The following FCHO2 variants were observed in gnomAD, a reference collection of about 807,000 sequenced individuals.
The protein encoded by FCHO2 is FCH and mu domain containing endocytic adaptor 2.
FCHO2 carries 43 observed loss-of-function variants against 114.1 expected under a neutral mutation model. The ratio of observed to expected loss-of-function variants is 0.38; its 90% CI spans 0.30 to 0.49. FCHO2 has a LOEUF of 0.49. Ranked by LOEUF, FCHO2 falls within the 20% of genes least tolerant of loss-of-function variation. The pLI is 0.97. For missense variants in FCHO2, 807 were observed against 950.4 expected (o/e 0.85, Z 1.98); for synonymous variants, 293 against 315.2 (o/e 0.93, Z 0.75).
intron 1 of FCHO2, among the ~76,000 whole-genome samples, chr5:72,956,997 G>GC (rs1751584136): frequency 6.6e-6 from 1 of 151,892 alleles, no homozygotes; most frequent in Non-Finnish European, 1.5e-5. Flanking sequence ...CCTGACAGTT[G>GC]CAAGTACTGC....
At chr5:73,076,406 C>A (rs555341786) in intron 20 of FCHO2, among the ~76,000 whole-genome samples, 2 of 151,904 alleles carry the variant, frequency 1.3e-5, no homozygotes, top group Non-Finnish European at 2.9e-5. Context: ...GTGGTGGAAT[C>A]AAAGGAGGGT....
At chr5:73,030,597 T>C (rs1367578429) in intron 8 of FCHO2, among the ~76,000 whole-genome samples, 1 of 152,240 alleles carries the variant, frequency 6.6e-6, no homozygotes, top group Non-Finnish European at 1.5e-5. Flanking sequence ...TATCTACCAG[T>C]GGCCACAGAG....
chr5:73,027,628 A>G (rs1175713905), intron 8 of FCHO2, among the ~76,000 whole-genome samples: 2 of 152,170 alleles, frequency 1.3e-5, no homozygotes, highest in African/African-American at 4.8e-5. Context: ...ATAAGTAATG[A>G]ATATATTAGA....
At chr5:72,962,315 C>T (rs1338859655) in intron 1 of FCHO2, among the ~76,000 whole-genome samples, 1 of 152,020 alleles carries the variant, frequency 6.6e-6, no homozygotes, top group Non-Finnish European at 1.5e-5. Flanking sequence ...ACACTAAATC[C>T]TAAATGCTGT....
At chr5:72,968,477 A>G in intron 1 of FCHO2, 21 bp from the exon 2 acceptor site, 1 of 1,469,968 alleles carries the variant, frequency 6.8e-7, no homozygotes, top group African/African-American at 1.5e-5. Flanking sequence ...TTATGAAACT[A>G]AAAATCTTTT....
intron 10 of FCHO2, 150 bp downstream of exon 10, chr5:73,037,365 AATAC>A (rs1019182155): frequency 7.9e-6 from 3 of 380,458 alleles, no homozygotes; most frequent in Middle Eastern, 5.8e-4. Flanking sequence ...AATATTAATA[AATAC>A]ATTTGCCAAT....
intron 2 of FCHO2, among the ~76,000 whole-genome samples, chr5:72,980,357 T>C (rs1306421859): frequency 6.6e-6 from 1 of 152,196 alleles, no homozygotes; most frequent in Non-Finnish European, 1.5e-5. Flanking sequence ...AGGAGTGTTT[T>C]ACTTCCAATT....
At chr5:72,991,138 C>T (rs893832789) in intron 5 of FCHO2, among the ~76,000 whole-genome samples, 1 of 152,158 alleles carries the variant, frequency 6.6e-6, no homozygotes, top group Non-Finnish European at 1.5e-5. Context: ...GATCTTGGCT[C>T]ACTGCAGCCT....
intron 20 of FCHO2, among the ~76,000 whole-genome samples, chr5:73,075,284 C>T (rs1742860023): frequency 6.6e-6 from 1 of 152,096 alleles, no homozygotes. Context: ...TCAGGGTAAA[C>T]TTTTTTGAGG....
At chr5:73,059,473 C>T (rs1303454230) in intron 17 of FCHO2, among the ~76,000 whole-genome samples, 1 of 152,048 alleles carries the variant, frequency 6.6e-6, no homozygotes, top group African/African-American at 2.4e-5. Context: ...CTGGCTCTTA[C>T]TTATTCTAAA....
At chr5:72,982,232 G>A (rs1160602114) in intron 2 of FCHO2, among the ~76,000 whole-genome samples, 1 of 152,086 alleles carries the variant, frequency 6.6e-6, no homozygotes, top group African/African-American at 2.4e-5. Context: ...GCTCTCTGTG[G>A]GCTGCACCCA....
intron 11 of FCHO2, among the ~76,000 whole-genome samples, chr5:73,045,446 T>C (rs1423395833): frequency 6.6e-6 from 1 of 152,236 alleles, no homozygotes; most frequent in Non-Finnish European, 1.5e-5. Flanking sequence ...TATTTTTTAT[T>C]GCTGAGTAGT....
At chr5:73,056,347 C>G (rs1757593033) in intron 16 of FCHO2, among the ~76,000 whole-genome samples, 1 of 152,268 alleles carries the variant, frequency 6.6e-6, no homozygotes, top group South Asian at 2.1e-4. Flanking sequence ...AGGGTTCATT[C>G]TTGGTGTTGG....
chr5:72,975,213 G>T (rs766760059), intron 2 of FCHO2, among the ~76,000 whole-genome samples: 3 of 152,134 alleles, frequency 2.0e-5, no homozygotes, highest in Non-Finnish European at 2.9e-5. Flanking sequence ...CTGTGAAACA[G>T]TATTTGTTTG....
Position 72,996,935 on chromosome 5 carries a change from T to C in FCHO2, c.495+6071T>C. ...GGTCATCAGGATGATGCGGACGCAG[T>C]GTCTGCTGGGGCTGCGCACGTTCGT... On this transcript the variant is annotated intron_variant, in intron 5 of 25. Transcript: ENST00000430046. 6 of 1,603,374 alleles carry C rather than the reference T, an allele frequency of 3.7e-6. No individual in the cohort carries two copies. In the East Asian group the frequency reaches 1.1e-4, roughly 30 times the overall value.
intron 1 of FCHO2, among the ~76,000 whole-genome samples, chr5:72,957,846 C>T (rs1314965246): frequency 6.6e-6 from 1 of 152,056 alleles, no homozygotes; most frequent in Non-Finnish European, 1.5e-5. Flanking sequence ...CTTATTTGTC[C>T]TTTTTATTAT....
intron 1 of FCHO2, among the ~76,000 whole-genome samples, chr5:72,965,581 T>G (rs1349484408): frequency 6.6e-6 from 1 of 152,124 alleles, no homozygotes; most frequent in African/African-American, 2.4e-5. Context: ...TACCTCCAGC[T>G]CCCTAGCAGT....
At chr5:73,068,404 CT>C in intron 18 of FCHO2, among the ~76,000 whole-genome samples, 1 of 152,048 alleles carries the variant, frequency 6.6e-6, no homozygotes, top group East Asian at 1.9e-4. Context: ...CTTAAACATA[CT>C]TTTTTAAATA....
At position 73,001,512 on chromosome 5, in the gene FCHO2, G is replaced by T. The variant is rs541854648; in HGVS notation, c.496-4933G>T. On this transcript the variant is annotated intron_variant, in intron 5 of 25. Transcript: ENST00000430046. ...TTCTTTATTAGTTAGTGCTTCTCTTGTCAGTTTTCTAGATGCTTCTCTATT... is the reference window on the plus strand; with the variant it reads ...TTCTTTATTAGTTAGTGCTTCTCTTTTCAGTTTTCTAGATGCTTCTCTATT... 4.1e-5 allele frequency among the ~76,000 whole-genome samples: 6 copies of T among 148,040 alleles called. No homozygotes were observed. The South Asian group carries it at 1.3e-3, about 32-fold the overall frequency.
Sources: allele counts gnomAD v4.1 joint callset (sites outside exome capture counted in the v4.1 genomes callset), GRCh38; gene constraint gnomAD v4.1.1; transcripts MANE v1.5; gene names NCBI Gene and HGNC (gene_info 2026-07-23, HGNC 2026-07-21).